The following FAM120A variants were observed in gnomAD, a reference collection of about 807,000 sequenced individuals.
FAM120A encodes family with sequence similarity 120 member A.
FAM120A carries 15 observed loss-of-function variants against 109.7 expected under a neutral mutation model. That is an observed-to-expected ratio of 0.14 (90% CI 0.09 to 0.21). The LOEUF (loss-of-function observed/expected upper bound fraction) is 0.21, where lower values mean the gene tolerates loss of function less well. Among genes scored for constraint, FAM120A ranks in the 10% least tolerant of loss-of-function variants. The probability of loss-of-function intolerance (pLI) is 1.00; values close to 1 mark genes in which losing one functional copy is unlikely to be tolerated. For missense variants in FAM120A, 899 were observed against 1,439.3 expected, an observed-to-expected ratio of 0.62 and a Z score of 6.07; for synonymous variants, 493 against 572.8, an observed-to-expected ratio of 0.86 and a Z score of 1.99.
chr9:93,473,563 G>A (rs1430549688), intron 2 of FAM120A, among the ~76,000 whole-genome samples: 1 of 152,010 alleles, frequency 6.6e-6, no homozygotes, highest in African/African-American at 2.4e-5. Context: ...CCACCTGCCT[G>A]AGCCTCCCAA....
At chr9:93,490,623 CA>C (rs1323319711) in intron 3 of FAM120A, among the ~76,000 whole-genome samples, 1 of 152,122 alleles carries the variant, frequency 6.6e-6, no homozygotes, top group Non-Finnish European at 1.5e-5. Context: ...AAGATGTAAC[CA>C]AGAGTGAGAC....
At chr9:93,525,495 A>T (rs1195400807) in intron 7 of FAM120A, among the ~76,000 whole-genome samples, 1 of 152,236 alleles carries the variant, frequency 6.6e-6, no homozygotes, top group African/African-American at 2.4e-5. Flanking sequence ...TTTAAGCTTA[A>T]CAACAGTTTG....
intron 7 of FAM120A, among the ~76,000 whole-genome samples, chr9:93,517,529 G>T (rs1860652932): frequency 6.6e-6 from 1 of 152,214 alleles, no homozygotes; most frequent in Non-Finnish European, 1.5e-5. Context: ...TCTAAGGCAT[G>T]TGCATTTTGT....
At chr9:93,541,283 G>C (rs535162137) in intron 10 of FAM120A, among the ~76,000 whole-genome samples, 1 of 152,122 alleles carries the variant, frequency 6.6e-6, no homozygotes, top group Non-Finnish European at 1.5e-5. Flanking sequence ...AGCAGCCTTG[G>C]TGTTGGATCA....
chr9:93,554,858 C>A (rs1474429425), intron 12 of FAM120A, among the ~76,000 whole-genome samples: 1 of 152,160 alleles, frequency 6.6e-6, no homozygotes, highest in East Asian at 1.9e-4. Context: ...GGCACGGAGG[C>A]CCCTGGGCTA....
At position 93,471,137 on chromosome 9, in the gene FAM120A, C is replaced by T; in HGVS notation, c.475-4C>T. 1.2e-6 allele frequency: 2 copies of T among 1,613,330 alleles called. No individual in the cohort carries two copies. The highest frequency in any genetic ancestry group is 1.7e-6 in the Non-Finnish European group (2 of 1,179,662). On this transcript the variant is annotated splice_region_variant and splice_polypyrimidine_tract_variant and intron_variant, in intron 1 of 17. Coordinates refer to ENST00000277165, the MANE Select transcript of FAM120A (RefSeq NM_014612.5). ...TCTGATGAAGTTTTTTTCTCGTTTG[C>T]CAGGTTGCACAGAGCATTGAGGATC...
chr9:93,534,531 G>A (rs890796099), intron 10 of FAM120A, among the ~76,000 whole-genome samples: 2 of 152,160 alleles, frequency 1.3e-5, no homozygotes, highest in African/African-American at 4.8e-5. Flanking sequence ...GCAGCAGGTG[G>A]CACTGGGTCT....
chr9:93,549,224 T>C (rs1862007766), intron 11 of FAM120A, among the ~76,000 whole-genome samples: 2 of 152,238 alleles, frequency 1.3e-5, no homozygotes, highest in African/African-American at 2.4e-5. Flanking sequence ...ATAAATACCA[T>C]AGAAATGTAA....
chr9:93,492,573 G>A (rs1408193627), intron 3 of FAM120A, among the ~76,000 whole-genome samples: 1 of 152,142 alleles, frequency 6.6e-6, no homozygotes, highest in East Asian at 1.9e-4. Flanking sequence ...AGACGTCAGG[G>A]AGCTCATCCC....
At position 93,498,753 on chromosome 9, in the gene FAM120A, A is replaced by G. The variant is rs921528826; in HGVS notation, c.934-37A>G. 2.6e-6 allele frequency: 3 copies of G among 1,167,746 alleles called. No homozygotes were observed. The highest frequency in any genetic ancestry group is 3.9e-6 in the Non-Finnish European group (3 of 772,654). The allele number at this position is 1,167,746 out of a possible 1,614,324, so 72.3% of individuals were successfully genotyped here. A position where few individuals can be genotyped will look rare whatever the true frequency, so the allele number is the denominator to read the frequency against. On this transcript the variant is annotated intron_variant, in intron 4 of 17. Coordinates refer to ENST00000277165, the MANE Select transcript of FAM120A (RefSeq NM_014612.5). The surrounding 1 kb of genome is among the most constrained non-coding windows in gnomAD (Gnocchi z 4.4). ...CATTGTGATACACATGACCAGTGGC[A>G]CACTAATTTATGAAGGTTTTCCTGC...
At chr9:93,551,310 G>T (rs1862088015) in intron 12 of FAM120A, among the ~76,000 whole-genome samples, 4 of 152,048 alleles carry the variant, frequency 2.6e-5, no homozygotes, top group Admixed American at 2.0e-4. Flanking sequence ...TCTCCAAGTT[G>T]TCACCTAATT....
At chr9:93,555,284 G>T (rs1862251884) in intron 12 of FAM120A, among the ~76,000 whole-genome samples, 1 of 152,160 alleles carries the variant, frequency 6.6e-6, no homozygotes, top group Non-Finnish European at 1.5e-5. Context: ...TTGGTGAACA[G>T]ACTTCTCCAG....
At chr9:93,469,770 A>G (rs909145433) in intron 1 of FAM120A, among the ~76,000 whole-genome samples, 1 of 152,144 alleles carries the variant, frequency 6.6e-6, no homozygotes. Flanking sequence ...TTTTATGGAA[A>G]TGTTTACCGA....
chr9:93,480,192 T>C (rs542742945), intron 3 of FAM120A, among the ~76,000 whole-genome samples: 56 of 152,364 alleles, frequency 3.7e-4, no homozygotes, highest in Non-Finnish European at 4.1e-4. Flanking sequence ...TAGGTTTAGA[T>C]GCAAAGACTA....
chr9:93,452,933 G>T lies in FAM120A; in HGVS notation c.474+544G>T. 8 of 1,414,826 alleles carry T rather than the reference G, an allele frequency of 5.7e-6. No individual in the cohort carries two copies. Among genetic ancestry groups the T allele is most frequent in the Non-Finnish European group, 7.3e-6 (8 of 1,090,702 alleles). The allele number at this position is 1,414,826 out of a possible 1,614,324, so 87.6% of individuals were successfully genotyped here. A position where few individuals can be genotyped will look rare whatever the true frequency, so the allele number is the denominator to read the frequency against. ...CCGGTGACAGCGAGACGTGTCTAAG[G>T]GCCAGTGCCCTGGCCTCTACTTCAG... On this transcript the variant is annotated intron_variant, in intron 1 of 17. Transcript: ENST00000277165. The surrounding 1 kb of genome is among the most constrained non-coding windows in gnomAD (Gnocchi z 7.0).
At position 93,451,960 on chromosome 9, in the gene FAM120A, G is replaced by C. The variant is rs763546850; in HGVS notation, c.45G>C (p.Pro15=). The C allele has an allele frequency of 1.8e-5, 28 of 1,535,750 alleles. No individual in the cohort carries two copies. In the South Asian group the frequency reaches 3.1e-4, roughly 17 times the overall value. Residue 15 remains proline (P), a synonymous_variant, in exon 1 of 18, where the codon CCG becomes CCC. Transcript: ENST00000277165. ...AGGACTACATCGAGAAGCACTGCCC[G>C]AGCGCCGTGGTGCCGGTGGAGCTGC... ...GFQDYIEKHC[P]SAVVPVELQK... is the part of the protein sequence containing the mutation.
At chr9:93,462,176 G>A (rs967787842) in intron 1 of FAM120A, among the ~76,000 whole-genome samples, 1 of 152,178 alleles carries the variant, frequency 6.6e-6, no homozygotes, top group African/African-American at 2.4e-5. Flanking sequence ...AAGACAGGGA[G>A]ATACCCTTCT....
chr9:93,516,628 C>A (rs1331042906), intron 7 of FAM120A, among the ~76,000 whole-genome samples: 1 of 152,116 alleles, frequency 6.6e-6, no homozygotes, highest in Admixed American at 6.5e-5. Flanking sequence ...TGCCGACCCC[C>A]GAAACATTAA....
intron 12 of FAM120A, among the ~76,000 whole-genome samples, chr9:93,554,389 G>A (rs763044051): frequency 2.6e-5 from 4 of 152,182 alleles, no homozygotes; most frequent in Non-Finnish European, 5.9e-5. Context: ...ACCTGCAGGG[G>A]CTGGATGCGG....
Sources: gnomAD v4.1 joint callset for allele counts (sites outside exome capture counted in the v4.1 genomes callset) on GRCh38, gnomAD v4.1.1 for gene constraint, Gnocchi (gnomAD v3.1) non-coding constraint, MANE v1.5 for transcripts, NCBI Gene and HGNC (gene_info 2026-07-23, HGNC 2026-07-21) for gene names.